PP2D1: variants seen among roughly 807,000 people sequenced by gnomAD.
The protein encoded by PP2D1 is protein phosphatase 2C-like domain-containing protein 1.
PP2D1 carries 25 observed loss-of-function variants against 30.2 expected under a neutral mutation model. The ratio of observed to expected loss-of-function variants is 0.83; its 90% CI spans 0.60 to 1.16. PP2D1 has a LOEUF of 1.16. Ranked by LOEUF, PP2D1 falls within the 50% of genes most tolerant of loss-of-function variation. PP2D1 has a pLI of 0.00. For synonymous variants in PP2D1, 260 were observed against 258.9 expected (o/e 1.00, Z -0.04); for missense variants, 760 against 742.4 (o/e 1.02, Z -0.28).
rs1697243317 is a variant in PP2D1, at chr3:20,001,027, T to C, written c.1090+3A>G. 4 of 1,386,062 alleles carry C rather than the reference T, an allele frequency of 2.9e-6. No homozygotes were observed. In the South Asian group the frequency reaches 7.4e-5, roughly 26 times the overall value. The allele number at this position is 1,386,062 out of a possible 1,614,324, so 85.9% of individuals were successfully genotyped here. On this transcript the variant is annotated splice_donor_region_variant and intron_variant, in intron 2 of 2. Coordinates refer to ENST00000389050, the MANE Select transcript of PP2D1 (RefSeq NM_001252657.2). Reference sequence around the variant, plus strand: ...GTTATTTGGTGCTATTCAATGTACATACCAGTGTTTGCAACATGTAATATT... The same window carrying C: ...GTTATTTGGTGCTATTCAATGTACACACCAGTGTTTGCAACATGTAATATT...
rs1443530593 is a variant in PP2D1, at chr3:20,001,430, C to A, written c.690G>T (p.Gln230His). 2 of 1,536,606 alleles carry A rather than the reference C, an allele frequency of 1.3e-6. No homozygotes were observed. The highest frequency in any genetic ancestry group is 1.7e-6 in the Non-Finnish European group (2 of 1,147,012). ...SMELPVLLLH[Q>H]LSKFDPSYQM... is the part of the protein sequence containing the mutation. Reference sequence around the variant, plus strand: ...GGTAAGAAGGATCAAATTTGGAAAGCTGATGGAGAAGTAAAACTGGGAGTT... The same window carrying A: ...GGTAAGAAGGATCAAATTTGGAAAGATGATGGAGAAGTAAAACTGGGAGTT... The change falls in exon 2 of 3, where the codon CAG becomes CAT. Residue 230 changes from glutamine (Q) to histidine (H), a missense_variant. Coordinates refer to ENST00000389050, the MANE Select transcript of PP2D1 (RefSeq NM_001252657.2).
At chr3:19,990,990 G>A (rs1053913077) in intron 2 of PP2D1, among the ~76,000 whole-genome samples, 7 of 152,298 alleles carry the variant, frequency 4.6e-5, no homozygotes, top group Non-Finnish European at 1.0e-4. Flanking sequence ...ACCAAGCAAT[G>A]AACTGTGTTG....
chr3:20,006,972 T>C (rs1471879307), intron 1 of PP2D1, among the ~76,000 whole-genome samples: 2 of 148,074 alleles, frequency 1.4e-5, no homozygotes, highest in East Asian at 2.0e-4. Context: ...TACATATATA[T>C]ACACACATAT....
downstream of PP2D1, chr3:19,984,395 C>T: frequency 4.1e-6 from 1 of 243,732 alleles, no homozygotes; most frequent in Non-Finnish European, 8.2e-6. Flanking sequence ...TTAATGGTAT[C>T]TTAATTATAC....
At chr3:19,991,592 G>C (rs1257798763) in intron 2 of PP2D1, among the ~76,000 whole-genome samples, 1 of 152,174 alleles carries the variant, frequency 6.6e-6, no homozygotes, top group African/African-American at 2.4e-5. Context: ...ACAGTATGGG[G>C]AGTGGAAGGA....
At chr3:19,997,368 C>A (rs575018481) in intron 2 of PP2D1, among the ~76,000 whole-genome samples, 1 of 151,662 alleles carries the variant, frequency 6.6e-6, no homozygotes, top group South Asian at 2.1e-4. Context: ...AAATTCTCAA[C>A]AAATTAGGCA....
rs926639087 is a variant in PP2D1, at chr3:20,012,049, C to T, written c.23+1G>A. 2.9e-5 allele frequency: 45 copies of T among 1,530,580 alleles called. No homozygotes were observed. The highest frequency in any genetic ancestry group is 3.0e-5 in the Non-Finnish European group (34 of 1,143,036). The allele number at this position is 1,530,580 out of a possible 1,614,324, so 94.8% of individuals were successfully genotyped here. A position where few individuals can be genotyped will look rare whatever the true frequency, so the allele number is the denominator to read the frequency against. On this transcript the variant is annotated splice_donor_variant, in intron 1 of 2. Coordinates refer to ENST00000389050, the MANE Select transcript of PP2D1 (RefSeq NM_001252657.2). LOFTEE classifies it high-confidence loss of function. The stretch of plus-strand genomic sequence containing the variant: ...TCCAAAAAAGATTTAAGAAAGTTTA[C>T]CTTAAAGCATTATTGGTGCTCATGT...
chr3:20,001,348 C>T lies in PP2D1; in HGVS notation c.772G>A (p.Glu258Lys). ...INSFYTVFRE[E>K]YAAIEDLFSA... ...AAGAGGTCTTCTATTGCTGCGTATT[C>T]TTCTCTAAACACAGTGTAAAAGGAA... The change falls in exon 2 of 3, where the codon GAA becomes AAA. Residue 258 changes from glutamate (E) to lysine (K), a missense_variant. By Grantham distance (56) the Glu-to-Lys change is moderately conservative. This residue lies in a region of PP2D1 where 374 missense variants were observed against 388.8 expected (regional missense o/e 0.96). Transcript: ENST00000389050. 1 of 1,535,510 alleles carries T rather than the reference C, an allele frequency of 6.5e-7. No individual in the cohort carries two copies. The highest frequency in any genetic ancestry group is 8.7e-7 in the Non-Finnish European group (1 of 1,146,336).
At position 20,001,306 on chromosome 3, in the gene PP2D1, TTTTG is replaced by T. The variant is rs1462030700; in HGVS notation, c.810_813del (p.Asn270LysfsTer5). 11 of 1,535,696 alleles carry T rather than the reference TTTTG, an allele frequency of 7.2e-6. No homozygotes were observed. Among genetic ancestry groups the T allele is most frequent in the South Asian group, 1.2e-5 (1 of 84,036 alleles). On this transcript the variant is annotated frameshift_variant, in exon 2 of 3. Coordinates refer to ENST00000389050, the MANE Select transcript of PP2D1 (RefSeq NM_001252657.2). LOFTEE classifies it high-confidence loss of function. ...TCATACTCACACCTCACTGCTTCTGTTTTGTTTATGGCAGAAAAGAGGTCTTCTA... is the reference window on the plus strand; with the variant it reads ...TCATACTCACACCTCACTGCTTCTGTTTTATGGCAGAAAAGAGGTCTTCTA...
chr3:20,011,723 C>T (rs1052730861), intron 1 of PP2D1, among the ~76,000 whole-genome samples: 2 of 151,810 alleles, frequency 1.3e-5, no homozygotes, highest in African/African-American at 2.4e-5. Context: ...CACTTGAACC[C>T]GGGAAGCGGA....
intron 2 of PP2D1, among the ~76,000 whole-genome samples, chr3:19,994,778 A>G (rs967486506): frequency 6.6e-6 from 1 of 152,196 alleles, no homozygotes; most frequent in Non-Finnish European, 1.5e-5. Context: ...GAGAAAAGAG[A>G]GGCACAGAGT....
downstream of PP2D1, chr3:19,983,798 C>T: frequency 6.2e-7 from 1 of 1,609,004 alleles, no homozygotes; most frequent in Non-Finnish European, 8.5e-7. Flanking sequence ...ACACAACCAA[C>T]CAGGAATCAG....
intron 2 of PP2D1, among the ~76,000 whole-genome samples, chr3:19,998,212 C>T (rs765760003): frequency 1.3e-5 from 2 of 152,090 alleles, no homozygotes; most frequent in Non-Finnish European, 2.9e-5. Flanking sequence ...CACCTGTTAT[C>T]CCAGCTACTC....
At chr3:20,000,989 A>G in intron 2 of PP2D1, 41 bp downstream of exon 2, 4 of 1,198,380 alleles carry the variant, frequency 3.3e-6, no homozygotes, top group Non-Finnish European at 4.2e-6. Flanking sequence ...CAAGGAACCA[A>G]AAACATAAAG....
In PP2D1 at chr3:19,986,071, A is replaced by ATGAC; in HGVS notation, c.1198_1201dup (p.Ile401SerfsTer3). The ATGAC allele has an allele frequency of 6.5e-7, 1 of 1,536,060 alleles. No individual in the cohort carries two copies. Among genetic ancestry groups the ATGAC allele is most frequent in the Non-Finnish European group, 8.7e-7 (1 of 1,146,844 alleles). On this transcript the variant is annotated frameshift_variant, in exon 3 of 3. Transcript: ENST00000389050. LOFTEE classifies it low-confidence loss of function (END_TRUNC). ...AAGCCCGTATGGTTCATTTGAACTA[A>ATGAC]TGACTGCTCCATTCTGAAGTATTCT... is the stretch of plus-strand genomic sequence containing the variant.
chr3:20,010,872 G>T (rs547183660), intron 1 of PP2D1, among the ~76,000 whole-genome samples: 1 of 152,230 alleles, frequency 6.6e-6, no homozygotes, highest in East Asian at 1.9e-4. Flanking sequence ...TACCGTGCAA[G>T]GTGCTGAGAT....
downstream of PP2D1, chr3:19,984,337 C>A: frequency 2.5e-6 from 1 of 399,946 alleles, no homozygotes; most frequent in Non-Finnish European, 4.9e-6. Context: ...ATAAATTAAC[C>A]ACAAGAAAAT....
intron 2 of PP2D1, among the ~76,000 whole-genome samples, chr3:19,998,787 G>A (rs1445378731): frequency 1.3e-5 from 2 of 152,072 alleles, no homozygotes; most frequent in Non-Finnish European, 2.9e-5. Flanking sequence ...TAATTCCCTT[G>A]CTATAATTAA....
chr3:19,989,289 A>T (rs1396761977), intron 2 of PP2D1, among the ~76,000 whole-genome samples: 2 of 152,190 alleles, frequency 1.3e-5, no homozygotes, highest in African/African-American at 2.4e-5. Context: ...TCGAGATCGC[A>T]TCACTGCACT....
Sources: allele counts gnomAD v4.1 joint callset (sites outside exome capture counted in the v4.1 genomes callset), GRCh38; gene constraint gnomAD v4.1.1; regional missense constraint gnomAD v4.1.1; transcripts MANE v1.5; gene names NCBI Gene and HGNC (gene_info 2026-07-23, HGNC 2026-07-21).